SASH1: variants seen among roughly 807,000 people sequenced by gnomAD.
SASH1 encodes SAM and SH3 domain containing 1.
A neutral mutation model predicts 125.2 loss-of-function variants in SASH1; 44 were observed. The ratio of observed to expected loss-of-function variants is 0.35; its 90% CI spans 0.28 to 0.45. SASH1 has a LOEUF of 0.45. SASH1 is among the 20% of genes least tolerant of loss of function. The probability of loss-of-function intolerance (pLI) is 1.00; values close to 1 mark genes in which losing one functional copy is unlikely to be tolerated. For synonymous variants in SASH1, 639 were observed against 649.1 expected, an observed-to-expected ratio of 0.98 and a Z score of 0.24; for missense variants, 1,426 against 1,614.5, an observed-to-expected ratio of 0.88 and a Z score of 2.00.
rs765603862 is a variant in SASH1, at chr6:148,531,494, G to GAAC, written c.1429-31_1429-29dup. The GAAC allele has an allele frequency of 2.1e-6, 3 of 1,452,804 alleles. No individual in the cohort carries two copies. In the African/African-American group the frequency reaches 4.3e-5, roughly 21 times the overall value. 90.0% of individuals were successfully genotyped at this position (1,452,804 alleles called of 1,614,324 possible). A position where few individuals can be genotyped will look rare whatever the true frequency, so the allele number is the denominator to read the frequency against. On this transcript the variant is annotated intron_variant, in intron 12 of 19. Transcript: ENST00000367467. The stretch of plus-strand genomic sequence containing the variant: ...CAAAACAACACCTGTCCACTCTGAT[G>GAAC]AACTTCTTCATTTTGTTGAAACCCA...
chr6:148,285,048 A>G (rs1779446006), intron 1 of SASH1, among the ~76,000 whole-genome samples: 1 of 152,198 alleles, frequency 6.6e-6, no homozygotes, highest in South Asian at 2.1e-4. Context: ...TCCACAGCTA[A>G]TGCCACTCCG....
At chr6:148,285,513 G>C (rs1188382881) in intron 1 of SASH1, among the ~76,000 whole-genome samples, 1 of 152,182 alleles carries the variant, frequency 6.6e-6, no homozygotes, top group Non-Finnish European at 1.5e-5. Context: ...GTTTTGTCCA[G>C]TATTGATGCT....
rs142192729 is a variant in SASH1 at position 148,546,358 on chromosome 6, T to C, written c.3480+212T>C. Among the ~76,000 whole-genome samples the C allele has an allele frequency of 2.1e-3, 315 of 152,220 alleles. 2 individuals carry two copies. Among genetic ancestry groups the C allele is most frequent in the African/African-American group, 7.2e-3 (299 of 41,522 alleles). The stretch of plus-strand genomic sequence containing the variant: ...TGAAAATTATCCGTAATCCCAACAC[T>C]GTGAAAAACTTTTTAAAGATCCGTC... On this transcript the variant is annotated intron_variant, in intron 19 of 19. Coordinates refer to ENST00000367467, the MANE Select transcript of SASH1 (RefSeq NM_015278.5).
chr6:148,294,255 G>C (rs990482755), intron 1 of SASH1, among the ~76,000 whole-genome samples: 2 of 152,212 alleles, frequency 1.3e-5, no homozygotes, highest in Admixed American at 1.3e-4. Context: ...ATTCAAATGA[G>C]GCTACACAGC....
Position 148,416,448 on chromosome 6 carries a change from A to G in SASH1, c.286-23736A>G, listed in dbSNP as rs569370408. 2.3e-3 allele frequency among the ~76,000 whole-genome samples: 348 copies of G among 152,318 alleles called. 2 individuals carry two copies. Among genetic ancestry groups the G allele is most frequent in the African/African-American group, 7.7e-3 (319 of 41,572 alleles). ...AATAGGAGATACTCAAGTTTTGCTC[A>G]ACTGTTAGATACAGTTTAAAAATAG... On this transcript the variant is annotated intron_variant, in intron 2 of 19. Transcript: ENST00000367467.
At chr6:148,452,386 T>A (rs1301912348) in intron 4 of SASH1, among the ~76,000 whole-genome samples, 1 of 152,112 alleles carries the variant, frequency 6.6e-6, no homozygotes, top group African/African-American at 2.4e-5. Flanking sequence ...AGTCAGGTGG[T>A]CTCCAGGGTC....
At position 148,531,195 on chromosome 6, in the gene SASH1, G is replaced by A. The variant is rs868413625; in HGVS notation, c.1429-331G>A. ...GTACTTGATCTACATTTGAAGTCCA[G>A]CCTTGCTACTGGGCTTTTGCGTATG... On this transcript the variant is annotated intron_variant, in intron 12 of 19. Coordinates refer to ENST00000367467, the MANE Select transcript of SASH1 (RefSeq NM_015278.5). 6.6e-5 allele frequency among the ~76,000 whole-genome samples: 10 copies of A among 152,060 alleles called. No individual in the cohort carries two copies. In the South Asian group the frequency reaches 1.2e-3, roughly 19 times the overall value.
intron 8 of SASH1, among the ~76,000 whole-genome samples, chr6:148,501,375 C>T (rs1779554773): frequency 6.6e-6 from 1 of 152,204 alleles, no homozygotes. Context: ...GCTCCAGAAA[C>T]TAGCGCCTTA....
At chr6:148,443,745 T>A (rs888404711) in intron 4 of SASH1, among the ~76,000 whole-genome samples, 1 of 152,078 alleles carries the variant, frequency 6.6e-6, no homozygotes, top group Non-Finnish European at 1.5e-5. Context: ...ACCCTGAAAA[T>A]CCTAAGTCAG....
At chr6:148,530,223 A>C (rs187395209) in intron 12 of SASH1, among the ~76,000 whole-genome samples, 1 of 152,308 alleles carries the variant, frequency 6.6e-6, no homozygotes, top group Non-Finnish European at 1.5e-5. Flanking sequence ...ATTGTAGGTA[A>C]TTCATAAACA....
chr6:148,379,370 C>G (rs1335988011), intron 1 of SASH1, among the ~76,000 whole-genome samples: 1 of 152,082 alleles, frequency 6.6e-6, no homozygotes, highest in East Asian at 1.9e-4. Flanking sequence ...CTTCCTACCC[C>G]CTTCCCTCAG....
the SASH1 span, among the ~76,000 whole-genome samples, chr6:148,203,052 G>A: frequency 1.6e-4 from 25 of 152,298 alleles, no homozygotes; most frequent in South Asian, 5.2e-3. Flanking sequence ...TTAGAAATGG[G>A]AAATCTGGAT....
At chr6:148,218,117 T>A in the SASH1 span, among the ~76,000 whole-genome samples, 7 of 152,246 alleles carry the variant, frequency 4.6e-5, no homozygotes, top group South Asian at 1.4e-3. Context: ...ACCAGATTCA[T>A]GGCTGAGTGT....
intron 2 of SASH1, among the ~76,000 whole-genome samples, chr6:148,433,992 C>T (rs1776175369): frequency 6.9e-6 from 1 of 145,556 alleles, no homozygotes; most frequent in South Asian, 2.2e-4. Context: ...GTGTAGAATT[C>T]TTTTAGATAT....
intron 1 of SASH1, among the ~76,000 whole-genome samples, chr6:148,345,197 TA>T (rs1394686806): frequency 6.6e-6 from 1 of 152,182 alleles, no homozygotes; most frequent in African/African-American, 2.4e-5. Flanking sequence ...GGGGCCTGTT[TA>T]AATGAAACTT....
the SASH1 span, among the ~76,000 whole-genome samples, chr6:148,207,619 C>T: frequency 6.6e-6 from 1 of 152,174 alleles, no homozygotes; most frequent in African/African-American, 2.4e-5. Flanking sequence ...GCCCCATGTG[C>T]TGCCTTGAGA....
chr6:148,355,561 C>T (rs952745769), intron 1 of SASH1, among the ~76,000 whole-genome samples: 2 of 152,162 alleles, frequency 1.3e-5, no homozygotes, highest in Admixed American at 6.5e-5. Context: ...AGTTACCCCA[C>T]GTTAATATTT....
At chr6:148,251,781 C>G in the SASH1 span, among the ~76,000 whole-genome samples, 2 of 151,426 alleles carry the variant, frequency 1.3e-5, no homozygotes, top group Non-Finnish European at 2.9e-5. Flanking sequence ...GTGCTGCACC[C>G]ATTAACTCAT....
At chr6:148,389,911 G>A (rs1783628950) in intron 1 of SASH1, among the ~76,000 whole-genome samples, 1 of 152,156 alleles carries the variant, frequency 6.6e-6, no homozygotes, top group Non-Finnish European at 1.5e-5. Flanking sequence ...CAACTTCTTT[G>A]AGCTCCTGTT....
Sources: gnomAD v4.1 joint callset for allele counts (sites outside exome capture counted in the v4.1 genomes callset) on GRCh38, gnomAD v4.1.1 for gene constraint, MANE v1.5 for transcripts, NCBI Gene and HGNC (gene_info 2026-07-23, HGNC 2026-07-21) for gene names.